The following PCDH9 variants were observed in gnomAD, a reference collection of about 807,000 sequenced individuals.
The protein encoded by PCDH9 is protocadherin 9, also known as protocadherin-9.
PCDH9 carries 24 observed loss-of-function variants against 70.6 expected under a neutral mutation model. That is an observed-to-expected ratio of 0.34 (90% CI 0.25 to 0.48). The LOEUF (loss-of-function observed/expected upper bound fraction) is 0.48, where lower values mean the gene tolerates loss of function less well. Ranked by LOEUF, PCDH9 falls within the 20% of genes least tolerant of loss-of-function variation. The probability of loss-of-function intolerance (pLI) is 0.99; values close to 1 mark genes in which losing one functional copy is unlikely to be tolerated. For missense variants in PCDH9, 1,281 were observed against 1,503.6 expected (o/e 0.85, Z 2.45); for synonymous variants, 562 against 558.5 (o/e 1.01, Z -0.09).
chr13:66,582,767 G>A (rs566478388), intron 4 of PCDH9, among the ~76,000 whole-genome samples: 1 of 152,160 alleles, frequency 6.6e-6, no homozygotes, highest in Admixed American at 6.5e-5. Context: ...TACATTCAGT[G>A]TAATTACTTT....
chr13:67,044,550 C>G (rs1228177716), intron 2 of PCDH9, among the ~76,000 whole-genome samples: 1 of 152,102 alleles, frequency 6.6e-6, no homozygotes, highest in African/African-American at 2.4e-5. Context: ...GAGAATTATG[C>G]CCTAAGCTTG....
intron 3 of PCDH9, among the ~76,000 whole-genome samples, chr13:66,700,284 C>T (rs7140112): frequency 0.34 from 51,023 of 151,954 alleles, 9,050 homozygotes; most frequent in East Asian, 0.51. Context: ...TCCATTCTCT[C>T]GGCAGATTGT....
chr13:66,528,821 T>C (rs1490319573), intron 4 of PCDH9, among the ~76,000 whole-genome samples: 5 of 152,140 alleles, frequency 3.3e-5, no homozygotes, highest in Non-Finnish European at 5.9e-5. Flanking sequence ...CTTTTTTCTC[T>C]TGAATTTGTC....
chr13:67,018,368 C>G (rs2084604702), intron 2 of PCDH9, among the ~76,000 whole-genome samples: 1 of 151,976 alleles, frequency 6.6e-6, no homozygotes, highest in Admixed American at 6.6e-5. Flanking sequence ...TGCCTGTAAT[C>G]CCAGCACTTT....
At chr13:66,473,934 A>T (rs1201503983) in intron 4 of PCDH9, among the ~76,000 whole-genome samples, 2 of 152,164 alleles carry the variant, frequency 1.3e-5, no homozygotes, top group Non-Finnish European at 2.9e-5. Flanking sequence ...TTAATAAAAG[A>T]TACAAAACTC....
chr13:66,445,521 A>AATATATACACATATATATT (rs1239781101), intron 4 of PCDH9, among the ~76,000 whole-genome samples: 1 of 144,344 alleles, frequency 6.9e-6, no homozygotes, highest in Non-Finnish European at 1.5e-5. Flanking sequence ...ACACATATAT[A>AATATATACACATATATATT]ATATATACAC....
At chr13:66,637,150 T>G (rs1303451442) in intron 3 of PCDH9, among the ~76,000 whole-genome samples, 1 of 152,146 alleles carries the variant, frequency 6.6e-6, no homozygotes, top group Admixed American at 6.5e-5. Flanking sequence ...AATCAATGCA[T>G]GCACACATTT....
chr13:67,086,520 A>G (rs2086110655), intron 2 of PCDH9, among the ~76,000 whole-genome samples: 1 of 152,202 alleles, frequency 6.6e-6, no homozygotes, highest in Admixed American at 6.6e-5. Context: ...GGTAATTGAA[A>G]GAGGTAAGTG....
intron 2 of PCDH9, among the ~76,000 whole-genome samples, chr13:67,128,116 C>T (rs1462807031): frequency 6.6e-6 from 1 of 152,112 alleles, no homozygotes; most frequent in Non-Finnish European, 1.5e-5. Flanking sequence ...CAAACACAGC[C>T]TGAGTTCCCA....
At chr13:66,735,977 T>A (rs2079142362) in intron 3 of PCDH9, among the ~76,000 whole-genome samples, 1 of 151,748 alleles carries the variant, frequency 6.6e-6, no homozygotes, top group Admixed American at 6.6e-5. Context: ...AAAAAAAAAT[T>A]AAAGATTAAA....
chr13:67,008,980 T>C (rs1364828206), intron 2 of PCDH9, among the ~76,000 whole-genome samples: 2 of 152,152 alleles, frequency 1.3e-5, no homozygotes, highest in East Asian at 3.8e-4. Context: ...GTAATAAAGA[T>C]GCACTAAAAT....
At chr13:66,484,815 A>T (rs1055196731) in intron 4 of PCDH9, among the ~76,000 whole-genome samples, 1 of 152,208 alleles carries the variant, frequency 6.6e-6, no homozygotes, top group Admixed American at 6.5e-5. Flanking sequence ...TATCTGTAGA[A>T]TAAAGATAAT....
intron 3 of PCDH9, among the ~76,000 whole-genome samples, chr13:66,784,886 C>T (rs1286097920): frequency 2.0e-5 from 3 of 152,022 alleles, no homozygotes; most frequent in Non-Finnish European, 2.9e-5. Context: ...CCTGATCTTA[C>T]TTTATAAACT....
chr13:66,388,475 G>T (rs1310053534), intron 4 of PCDH9, among the ~76,000 whole-genome samples: 2 of 152,062 alleles, frequency 1.3e-5, no homozygotes, highest in East Asian at 3.9e-4. Context: ...ACACTTCACA[G>T]GATTTTTCAG....
chr13:66,689,108 A>G (rs1185041238), intron 3 of PCDH9, among the ~76,000 whole-genome samples: 10 of 152,174 alleles, frequency 6.6e-5, no homozygotes, highest in African/African-American at 2.4e-4. Flanking sequence ...CCACTAATAT[A>G]TGCTATCCTT....
intron 2 of PCDH9, among the ~76,000 whole-genome samples, chr13:67,181,740 A>C (rs1203197834): frequency 3.9e-5 from 6 of 152,190 alleles, no homozygotes; most frequent in Admixed American, 3.9e-4. Context: ...AATGGACACA[A>C]AAGTGACTAA....
At chr13:66,730,897 T>TG (rs1555262882) in intron 3 of PCDH9, among the ~76,000 whole-genome samples, 9 of 129,100 alleles carry the variant, frequency 7.0e-5, no homozygotes, top group Admixed American at 1.7e-4. Flanking sequence ...GTTTGTTTCT[T>TG]TTTTTTTGTG....
chr13:67,107,017 C>G (rs975410178), intron 2 of PCDH9, among the ~76,000 whole-genome samples: 1 of 152,110 alleles, frequency 6.6e-6, no homozygotes, highest in Admixed American at 6.5e-5. Flanking sequence ...CATGAACAGC[C>G]GGGGCACCAT....
At chr13:66,426,676 T>C (rs749348003) in intron 4 of PCDH9, among the ~76,000 whole-genome samples, 1 of 151,600 alleles carries the variant, frequency 6.6e-6, no homozygotes, top group Non-Finnish European at 1.5e-5. Flanking sequence ...CTGGCATTTA[T>C]AAAAGGCCAA....
Sources: allele counts gnomAD v4.1 joint callset (sites outside exome capture counted in the v4.1 genomes callset), GRCh38; gene constraint gnomAD v4.1.1; transcripts MANE v1.5; gene names NCBI Gene and HGNC (gene_info 2026-07-23, HGNC 2026-07-21).